The following FN3K variants were observed in gnomAD, a reference collection of about 807,000 sequenced individuals.
FN3K encodes the protein fructosamine 3 kinase, also known as fructosamine-3-kinase.
In FN3K, 24 loss-of-function variants were observed where a neutral mutation model predicts 24.8. The observed-to-expected ratio is 0.97, with a 90% CI of 0.70 to 1.36. The LOEUF (loss-of-function observed/expected upper bound fraction) is 1.36. Ranked by LOEUF, FN3K falls within the 40% of genes most tolerant of loss-of-function variation. The pLI is 0.00. For missense variants in FN3K, 449 were observed against 416.7 expected, an observed-to-expected ratio of 1.08 and a Z score of -0.67; for synonymous variants, 192 against 175.2, an observed-to-expected ratio of 1.10 and a Z score of -0.76.
At chr17:82,739,723 C>T (rs1390931459) in intron 2 of FN3K, among the ~76,000 whole-genome samples, 1 of 151,986 alleles carries the variant, frequency 6.6e-6, no homozygotes, top group Non-Finnish European at 1.5e-5. Context: ...TCCCAAAGTG[C>T]TGGGATTATA....
chr17:82,737,805 C>G (rs995735714), intron 1 of FN3K: 1 of 152,298 alleles, frequency 6.6e-6, no homozygotes, highest in Admixed American at 6.5e-5. Context: ...GACCCTGTCT[C>G]AAAACAAACA....
intron 2 of FN3K, among the ~76,000 whole-genome samples, chr17:82,740,509 T>C (rs1227399274): frequency 6.6e-6 from 1 of 151,424 alleles, no homozygotes; most frequent in Non-Finnish European, 1.5e-5. Context: ...GAAGGATTGC[T>C]TGAGCCCTAG....
intron 2 of FN3K, among the ~76,000 whole-genome samples, chr17:82,738,971 C>T (rs2046924800): frequency 1.7e-5 from 2 of 121,182 alleles, no homozygotes; most frequent in Non-Finnish European, 3.4e-5. Context: ...GAAACACAGT[C>T]TCGCTCTGTT....
chr17:82,750,719 C>A lies in FN3K; in HGVS notation c.894C>A (p.Ser298Arg). ...ACCACTTCGGGCGGGAGTACAGGAG[C>A]CCTTCCTTGGGCACCATGCGAAGGC... ...HWNHFGREYR[S>R]PSLGTMRRLL... is the part of the protein sequence containing the mutation. The change falls in exon 6 of 6, where the codon AGC (serine) becomes AGA (arginine). Residue 298 changes from serine to arginine, a missense_variant. Ser to Arg is a moderately radical substitution (Grantham distance 110, BLOSUM62 -1). Transcript: ENST00000300784. 1 of 1,613,638 alleles carries A rather than the reference C, an allele frequency of 6.2e-7. No individual in the cohort carries two copies. The highest frequency in any genetic ancestry group is 8.5e-7 in the Non-Finnish European group (1 of 1,179,980).
At position 82,748,947 on chromosome 17, in the gene FN3K, A is replaced by G. The variant is rs759422653; in HGVS notation, c.561A>G (p.Arg187=). 5 of 1,614,078 alleles carry G rather than the reference A, an allele frequency of 3.1e-6. No homozygotes were observed. Among genetic ancestry groups the G allele is most frequent in the Non-Finnish European group, 4.2e-6 (5 of 1,180,042 alleles). ...TCATTGAGAAGGACTATGCTGACCG[A>G]GAGGCACGAGAACTCTGGTCCCGGC... ...LDLIEKDYAD[R]EARELWSRLQ... The change falls in exon 5 of 6, where the codon CGA becomes CGG. Residue 187 remains arginine (R), a synonymous_variant. Transcript: ENST00000300784.
chr17:82,749,236 G>A, intron 5 of FN3K: 1 of 556,242 alleles, frequency 1.8e-6, no homozygotes, highest in Non-Finnish European at 3.3e-6. Flanking sequence ...TTCCTCATGT[G>A]AAACACAGGT....
At chr17:82,742,812 A>G (rs1184312197) in intron 4 of FN3K, 1 of 438,812 alleles carries the variant, frequency 2.3e-6, no homozygotes, top group Non-Finnish European at 4.6e-6. Context: ...TCTTGAAGAG[A>G]GAATACTTTC....
chr17:82,750,598 C>A lies in FN3K; in HGVS notation c.773C>A (p.Ser258Tyr). The change falls in exon 6 of 6, where the codon TCC (serine) becomes TAC (tyrosine). Residue 258 changes from serine (S) to tyrosine (Y), a missense_variant. Coordinates refer to ENST00000300784, the MANE Select transcript of FN3K (RefSeq NM_022158.4). The stretch of plus-strand genomic sequence containing the variant: ...TTGATGTTTGGGGGGTTCCCCAGAT[C>A]CTTCTTCACCGCCTACCACCGGAAG... Reference protein sequence around the residue: ...IALMFGGFPRSFFTAYHRKIP... With the variant: ...IALMFGGFPRYFFTAYHRKIP... 1 of 1,614,100 alleles carries A rather than the reference C, an allele frequency of 6.2e-7. No individual in the cohort carries two copies. The highest frequency in any genetic ancestry group is 1.1e-5 in the South Asian group (1 of 91,078).
At chr17:82,739,680 A>G (rs1429831601) in intron 2 of FN3K, among the ~76,000 whole-genome samples, 3 of 151,774 alleles carry the variant, frequency 2.0e-5, no homozygotes, top group Admixed American at 1.3e-4. Flanking sequence ...GATGGTCTCG[A>G]TCTGCTGACC....
chr17:82,740,741 G>C (rs774219553), intron 2 of FN3K, 22 bp from the exon 3 acceptor site: 3 of 1,554,996 alleles, frequency 1.9e-6, no homozygotes, highest in African/African-American at 2.7e-5. Flanking sequence ...ATTTTAATTA[G>C]CTGCATTTCT....
In FN3K at chr17:82,750,375, G is replaced by A. The variant is rs764086404; in HGVS notation, c.592-42G>A. On this transcript the variant is annotated intron_variant, in intron 5 of 5. Transcript: ENST00000300784. Reference sequence around the variant, plus strand: ...CCAAGAACGAGGTGATGAGACCGGGGCTCCCAGAGGCCAGCGATAACTGCA... The same window carrying A: ...CCAAGAACGAGGTGATGAGACCGGGACTCCCAGAGGCCAGCGATAACTGCA... The A allele has an allele frequency of 7.1e-6, 11 of 1,552,228 alleles. No individual in the cohort carries two copies. The Admixed American group carries it at 1.5e-4, about 21-fold the overall frequency.
chr17:82,739,414 G>T (rs1288940118), intron 2 of FN3K, among the ~76,000 whole-genome samples: 1 of 150,380 alleles, frequency 6.6e-6, no homozygotes, highest in Non-Finnish European at 1.5e-5. Flanking sequence ...TCAGCCTCGC[G>T]AGTGGCTGGG....
intron 2 of FN3K, among the ~76,000 whole-genome samples, chr17:82,738,909 A>AAT (rs139408910): frequency 0.014 from 1,447 of 102,948 alleles, 43 homozygotes; most frequent in African/African-American, 0.02. Context: ...GGCTGCATAA[A>AAT]ATATATATAT....
chr17:82,742,972 C>T (rs1388961663), intron 4 of FN3K, among the ~76,000 whole-genome samples: 1 of 152,142 alleles, frequency 6.6e-6, no homozygotes. Context: ...TTTAGGGTTC[C>T]CAGCCAACAG....
rs2253149 is a variant in FN3K, at chr17:82,738,534, A to C, written c.187A>C (p.Arg63=). 1 allele frequency: 1,611,215 copies of C among 1,613,148 alleles called. 804,661 individuals are homozygous for C. Among genetic ancestry groups the C allele is most frequent in the Non-Finnish European group, 1 (1,179,821 of 1,179,886 alleles). ...EGEVASLEAL[R]STGLVRVPRP... is the part of the protein sequence containing the mutation. ...GGAGGTGGCCAGCCTGGAGGCCCTC[A>C]GGAGCACGGGCCTGGTGCGGGTGCC... The change falls in exon 2 of 6, where the codon AGG becomes CGG. Residue 63 remains arginine (R), a synonymous_variant. Coordinates refer to ENST00000300784, the MANE Select transcript of FN3K (RefSeq NM_022158.4).
chr17:82,736,218 C>T (rs1261168821), intron 1 of FN3K: 1 of 172,200 alleles, frequency 5.8e-6, no homozygotes, highest in East Asian at 1.8e-4. Context: ...ATTTCTATCT[C>T]CTGCTGAAAA....
chr17:82,738,947 T>TATATATATATATACGTGTA (rs1491164859), intron 2 of FN3K, among the ~76,000 whole-genome samples: 1 of 65,282 alleles, frequency 1.5e-5, no homozygotes, highest in Non-Finnish European at 3.1e-5. Flanking sequence ...TATATATATA[T>TATATATATATATACGTGTA]TTTTTTTTTT....
intron 2 of FN3K, 129 bp from the exon 3 acceptor site, chr17:82,740,634 T>C: frequency 1.5e-6 from 1 of 683,556 alleles, no homozygotes; most frequent in Non-Finnish European, 2.6e-6. Context: ...TTGCCTGGTG[T>C]TCACTTTTTA....
At position 82,750,663 on chromosome 17, in the gene FN3K, T is replaced by G; in HGVS notation, c.838T>G (p.Tyr280Asp). ...APGFDQRLLL[Y>D]QLFNYLNHWN... ...GGGCTTCGACCAGCGGCTGCTGCTC[T>G]ACCAGCTGTTTAACTACCTGAACCA... Residue 280 changes from tyrosine (Y) to aspartate (D), a missense_variant, in exon 6 of 6, where the codon TAC (tyrosine) becomes GAC (aspartate). By Grantham distance (160) the Tyr-to-Asp change is radical. Transcript: ENST00000300784. 1 of 1,613,928 alleles carries G rather than the reference T, an allele frequency of 6.2e-7. No homozygotes were observed. The highest frequency in any genetic ancestry group is 8.5e-7 in the Non-Finnish European group (1 of 1,179,988).
Sources: gnomAD v4.1 joint callset for allele counts (sites outside exome capture counted in the v4.1 genomes callset) on GRCh38, gnomAD v4.1.1 for gene constraint, MANE v1.5 for transcripts, NCBI Gene and HGNC (gene_info 2026-07-23, HGNC 2026-07-21) for gene names.